Variants in SRFBP1 observed in about 807,000 individuals in gnomAD.
The protein encoded by SRFBP1 is serum response factor-binding protein 1.
In SRFBP1, 47 loss-of-function variants were observed where a neutral mutation model predicts 45.5. That is an observed-to-expected ratio of 1.03 (90% confidence interval 0.82 to 1.32). The LOEUF (loss-of-function observed/expected upper bound fraction) is 1.32, where lower values mean the gene tolerates loss of function less well. Among genes scored for constraint, SRFBP1 ranks in the 40% most tolerant of loss-of-function variants. The pLI, the probability that SRFBP1 is intolerant of heterozygous loss-of-function variation, is 0.00. For missense variants in SRFBP1, 621 were observed against 484.6 expected, an observed-to-expected ratio of 1.28 and a Z score of -2.64; for synonymous variants, 203 against 166.3, an observed-to-expected ratio of 1.22 and a Z score of -1.70.
chr5:122,031,862 A>T (rs977239323), downstream of SRFBP1, among the ~76,000 whole-genome samples: 1 of 152,234 alleles, frequency 6.6e-6, no homozygotes, highest in East Asian at 1.9e-4. Context: ...TAAGAATATC[A>T]TGCTAACAAA....
intron 4 of SRFBP1, among the ~76,000 whole-genome samples, chr5:122,016,405 A>G (rs1381575033): frequency 2.0e-5 from 3 of 152,172 alleles, no homozygotes; most frequent in Non-Finnish European, 2.9e-5. Context: ...TTTCCTTCAT[A>G]ATTTTAGAAG....
Position 122,062,653 on chromosome 5 carries a change from T to C in SRFBP1, n.312-12662T>C, listed in dbSNP as rs184545566. Among the ~76,000 whole-genome samples the C allele has an allele frequency of 7.9e-5, 12 of 152,130 alleles. No homozygotes were observed. The East Asian group carries it at 2.1e-3, about 27-fold the overall frequency. On this transcript the variant is annotated intron_variant and non_coding_transcript_variant, in intron 2 of 2. Coordinates refer to the SRFBP1 transcript ENST00000504881. ...AAATCTGCAAATTGCCAGCCAGAAG[T>C]CTACATCTGTTTTACCTGCAAGACT...
Position 121,971,379 on chromosome 5 carries a change from C to T in SRFBP1, c.37-2817C>T, listed in dbSNP as rs1752193408. ...TCATTGTGAAGGATTAAGAGAGCTA[C>T]CTCTAAAGACCTTTAGGTGTATAAC... On this transcript the variant is annotated intron_variant, in intron 1 of 7. Coordinates refer to ENST00000339397, the MANE Select transcript of SRFBP1 (RefSeq NM_152546.3). 2.0e-5 allele frequency among the ~76,000 whole-genome samples: 3 copies of T among 151,878 alleles called. No individual in the cohort carries two copies. In the South Asian group the frequency reaches 6.2e-4, roughly 31 times the overall value.
intron 2 of SRFBP1, chr5:122,070,126 T>C: frequency 6.2e-7 from 1 of 1,613,248 alleles, no homozygotes; most frequent in Non-Finnish European, 8.5e-7. Context: ...ACATTGTTGG[T>C]ATAGTCAGAT....
chr5:122,007,578 A>T (rs549383483), intron 4 of SRFBP1, among the ~76,000 whole-genome samples: 2 of 152,052 alleles, frequency 1.3e-5, no homozygotes, highest in East Asian at 3.9e-4. Flanking sequence ...GGCTAGGTCC[A>T]CAAAAGCTGG....
chr5:122,044,110 G>A (rs1001372503), intron 2 of SRFBP1, among the ~76,000 whole-genome samples: 2 of 152,048 alleles, frequency 1.3e-5, no homozygotes, highest in African/African-American at 4.8e-5. Flanking sequence ...GTGCAGTATT[G>A]GATTTTCTGT....
chr5:122,020,846 T>A (rs532372111), intron 6 of SRFBP1, 44 bp downstream of exon 6: 2 of 1,434,846 alleles, frequency 1.4e-6, no homozygotes, highest in East Asian at 2.5e-5. Context: ...AGTTCTTTTT[T>A]AAAAAGCTAT....
At chr5:121,984,145 C>G (rs1752471122) in intron 3 of SRFBP1, among the ~76,000 whole-genome samples, 1 of 151,774 alleles carries the variant, frequency 6.6e-6, no homozygotes, top group Non-Finnish European at 1.5e-5. Context: ...TCACCAACCT[C>G]TAAAGTAGTG....
chr5:121,998,661 A>AT (rs930476321), intron 4 of SRFBP1, among the ~76,000 whole-genome samples: 4 of 23,038 alleles, frequency 1.7e-4, no homozygotes, highest in East Asian at 6.8e-3. Context: ...AACTTAAAGT[A>AT]TAAAAAAAAA....
intron 1 of SRFBP1, among the ~76,000 whole-genome samples, chr5:121,968,968 A>G (rs1580496637): frequency 6.6e-6 from 1 of 152,306 alleles, no homozygotes; most frequent in South Asian, 2.1e-4. Context: ...CTAACTCAAA[A>G]ACATGGTAAA....
At chr5:121,997,978 A>T (rs1481709622) in intron 4 of SRFBP1, among the ~76,000 whole-genome samples, 1 of 151,506 alleles carries the variant, frequency 6.6e-6, no homozygotes, top group Non-Finnish European at 1.5e-5. Context: ...ACCATCTCAC[A>T]CCAGTTAGAA....
intron 2 of SRFBP1, chr5:122,070,191 C>T (rs762516320): frequency 1.5e-6 from 2 of 1,312,996 alleles, no homozygotes; most frequent in South Asian, 2.4e-5. Flanking sequence ...AAGAGTTCCT[C>T]AGTATTTCTT....
At chr5:122,041,994 G>T (rs1179466376) in intron 2 of SRFBP1, among the ~76,000 whole-genome samples, 1 of 151,844 alleles carries the variant, frequency 6.6e-6, no homozygotes, top group Non-Finnish European at 1.5e-5. Context: ...TTTTTTTTCA[G>T]TTCAAGAATA....
chr5:122,046,169 G>T (rs1180316416), intron 2 of SRFBP1, among the ~76,000 whole-genome samples: 1 of 151,920 alleles, frequency 6.6e-6, no homozygotes, highest in Non-Finnish European at 1.5e-5. Context: ...TTAATATTAG[G>T]TATATCTCCT....
chr5:122,043,848 AAATTTTT>A (rs1753808702), intron 2 of SRFBP1, among the ~76,000 whole-genome samples: 1 of 152,138 alleles, frequency 6.6e-6, no homozygotes, highest in African/African-American at 2.4e-5. Context: ...ATTATTCATT[AAATTTTT>A]TTTATTTAAC....
chr5:121,980,931 G>A (rs993391566), intron 3 of SRFBP1, among the ~76,000 whole-genome samples: 4 of 152,112 alleles, frequency 2.6e-5, no homozygotes, highest in Non-Finnish European at 4.4e-5. Context: ...TCTTTCAGGG[G>A]TAGCTCTGCC....
chr5:122,058,176 A>G (rs111561940), intron 2 of SRFBP1, among the ~76,000 whole-genome samples: 6 of 152,138 alleles, frequency 3.9e-5, no homozygotes, highest in African/African-American at 1.4e-4. Flanking sequence ...ATCATGATTT[A>G]TTGGCAATGT....
chr5:122,053,593 G>A (rs2152578610), intron 2 of SRFBP1, among the ~76,000 whole-genome samples: 1 of 152,200 alleles, frequency 6.6e-6, no homozygotes, highest in Middle Eastern at 3.4e-3. Context: ...GGGGCAATAG[G>A]AGGCTGCACC....
chr5:122,021,437 A>G (rs185017258), intron 6 of SRFBP1, among the ~76,000 whole-genome samples: 48 of 152,324 alleles, frequency 3.2e-4, no homozygotes, highest in Non-Finnish European at 6.0e-4. Flanking sequence ...AGTAACAGCT[A>G]TAAACTGTTT....
Sources: allele counts gnomAD v4.1 joint callset (sites outside exome capture counted in the v4.1 genomes callset), GRCh38; gene constraint gnomAD v4.1.1; transcripts MANE v1.5; gene names NCBI Gene and HGNC (gene_info 2026-07-23, HGNC 2026-07-21).